Variants in PHF24 observed in about 807,000 individuals in gnomAD.
PHF24 encodes the protein Galpha inhibitory interacting protein.
Under a neutral mutation model 42.6 loss-of-function variants are expected in PHF24, and 25 were observed. The observed-to-expected ratio is 0.59, with a 90% CI of 0.43 to 0.82. The LOEUF is 0.82. Ranked by LOEUF, PHF24 falls within the 40% of genes least tolerant of loss-of-function variation. The pLI is 0.00. For synonymous variants in PHF24, 185 were observed against 204.8 expected, an observed-to-expected ratio of 0.90 and a Z score of 0.83; for missense variants, 470 against 538.1, an observed-to-expected ratio of 0.87 and a Z score of 1.25.
the PHF24 span, among the ~76,000 whole-genome samples, chr9:34,734,649 G>A: frequency 2.4e-4 from 36 of 152,288 alleles, no homozygotes; most frequent in Non-Finnish European, 5.1e-4. Flanking sequence ...CTCTACCTTT[G>A]TAGGCCCCAG....
the PHF24 span, among the ~76,000 whole-genome samples, chr9:34,757,853 T>G: frequency 6.6e-6 from 1 of 152,032 alleles, no homozygotes; most frequent in Non-Finnish European, 1.5e-5. Flanking sequence ...TGTTGGCCAG[T>G]TTGGGGTCTG....
At chr9:34,840,813 C>T in the PHF24 span, among the ~76,000 whole-genome samples, 1,178 of 151,934 alleles carry the variant, frequency 7.8e-3, 15 homozygotes, top group African/African-American at 0.027. Context: ...TTGAATAGTT[C>T]GTATAATTTT....
chr9:34,695,493 C>T, the PHF24 span, among the ~76,000 whole-genome samples: 6 of 152,180 alleles, frequency 3.9e-5, no homozygotes, highest in African/African-American at 1.4e-4. Context: ...TTAATTGAAC[C>T]CCAGGTGGGT....
the PHF24 span, among the ~76,000 whole-genome samples, chr9:34,746,894 A>G: frequency 6.6e-6 from 1 of 152,200 alleles, no homozygotes; most frequent in South Asian, 2.1e-4. Context: ...CTTCTAGAAT[A>G]TAACATAGAA....
chr9:34,977,812 G>A (rs1008739517), intron 7 of PHF24, among the ~76,000 whole-genome samples, 171 bp downstream of exon 7: 7 of 152,122 alleles, frequency 4.6e-5, no homozygotes, highest in African/African-American at 1.7e-4. Context: ...CAGCTGGTCT[G>A]TTGGCCTGGT....
chr9:34,743,788 T>C, the PHF24 span, among the ~76,000 whole-genome samples: 29 of 152,212 alleles, frequency 1.9e-4, no homozygotes, highest in Non-Finnish European at 3.8e-4. Flanking sequence ...TTTTTGCTGC[T>C]GTAACAGAAT....
chr9:34,783,034 G>A, the PHF24 span, among the ~76,000 whole-genome samples: 1 of 152,088 alleles, frequency 6.6e-6, no homozygotes, highest in Non-Finnish European at 1.5e-5. Flanking sequence ...CTTATTTGTA[G>A]CATTGCTCTT....
At chr9:34,976,512 C>A (rs753626471) in intron 4 of PHF24, 23 bp from the exon 5 acceptor site, 8 of 1,601,300 alleles carry the variant, frequency 5.0e-6, no homozygotes, top group Non-Finnish European at 3.4e-6. Flanking sequence ...ATGGGCATGG[C>A]TAGCACGGGG....
chr9:34,826,887 T>A, the PHF24 span, among the ~76,000 whole-genome samples: 1 of 152,156 alleles, frequency 6.6e-6, no homozygotes, highest in African/African-American at 2.4e-5. Context: ...TTGCCTCTCT[T>A]CACCCTGGGG....
the PHF24 span, among the ~76,000 whole-genome samples, chr9:34,734,194 A>G: frequency 1.3e-5 from 2 of 152,360 alleles, no homozygotes; most frequent in Non-Finnish European, 2.9e-5. Flanking sequence ...GATGTAGCAC[A>G]GGTGCACTTG....
At chr9:34,852,305 G>T in the PHF24 span, among the ~76,000 whole-genome samples, 7 of 152,204 alleles carry the variant, frequency 4.6e-5, no homozygotes, top group Non-Finnish European at 1.0e-4. Context: ...TTCTGGGGGA[G>T]TCCAAAGTTA....
chr9:34,957,016 C>G (rs1563923096), upstream of PHF24, among the ~76,000 whole-genome samples: 1 of 152,174 alleles, frequency 6.6e-6, no homozygotes, highest in African/African-American at 2.4e-5. Context: ...CCTCTCTTTG[C>G]CTCAGTTTCA....
chr9:34,752,125 T>C, the PHF24 span, among the ~76,000 whole-genome samples: 1 of 151,820 alleles, frequency 6.6e-6, no homozygotes, highest in Non-Finnish European at 1.5e-5. Context: ...AACCTAATGA[T>C]GCATCTTAAA....
At chr9:34,977,704 A>G in intron 7 of PHF24, 63 bp downstream of exon 7, 2 of 1,367,186 alleles carry the variant, frequency 1.5e-6, no homozygotes, top group Non-Finnish European at 1.0e-6. Flanking sequence ...CACACAAGTA[A>G]GAGAGGGCAT....
the PHF24 span, among the ~76,000 whole-genome samples, chr9:34,848,357 A>T: frequency 6.6e-6 from 1 of 151,328 alleles, no homozygotes; most frequent in East Asian, 2.0e-4. Context: ...GAATTTATCC[A>T]TTTCTTCTAG....
chr9:34,924,029 T>C, the PHF24 span, among the ~76,000 whole-genome samples: 2 of 152,210 alleles, frequency 1.3e-5, no homozygotes, highest in Non-Finnish European at 2.9e-5. Flanking sequence ...TTAAGAAAAT[T>C]TGCAATTTCA....
the PHF24 span, among the ~76,000 whole-genome samples, chr9:34,668,628 G>C: frequency 3.9e-5 from 6 of 152,314 alleles, no homozygotes; most frequent in South Asian, 1.2e-3. Flanking sequence ...GTCAAGCTGG[G>C]AATTGTGTCA....
chr9:34,938,938 A>C, the PHF24 span, among the ~76,000 whole-genome samples: 1 of 125,178 alleles, frequency 8.0e-6, no homozygotes, highest in Non-Finnish European at 1.9e-5. Context: ...CTCCATCAAA[A>C]AAAAAAAAAA....
At chr9:34,875,936 A>ACTCTCTCTCTCTCTCTCT in the PHF24 span, among the ~76,000 whole-genome samples, 22 of 87,870 alleles carry the variant, frequency 2.5e-4, no homozygotes, top group South Asian at 8.0e-4. Context: ...ACACACACAC[A>ACTCTCTCTCTCTCTCTCT]CACACACACA....
Sources: allele counts gnomAD v4.1 joint callset (sites outside exome capture counted in the v4.1 genomes callset), GRCh38; gene constraint gnomAD v4.1.1; transcripts MANE v1.5; gene names NCBI Gene and HGNC (gene_info 2026-07-23, HGNC 2026-07-21).